Variants in CHM observed in about 807,000 individuals in gnomAD.
CHM encodes CHM Rab escort protein.
A neutral mutation model predicts 49.0 loss-of-function variants in CHM; 10 were observed. That is an observed-to-expected ratio of 0.20 (90% confidence interval 0.13 to 0.35). The LOEUF (loss-of-function observed/expected upper bound fraction) is 0.35. Among genes scored for constraint, CHM ranks in the 10% least tolerant of loss-of-function variants. CHM has a pLI of 1.00. For missense variants in CHM, 455 were observed against 478.4 expected (o/e 0.95, Z 0.46); for synonymous variants, 184 against 167.5 (o/e 1.10, Z -0.76).
chrX:85,937,596 C>G (rs997749191), intron 8 of CHM, among the ~76,000 whole-genome samples: 3 of 109,608 alleles, frequency 2.7e-5, no homozygotes, highest in Non-Finnish European at 5.7e-5. Flanking sequence ...GTAATCCCAC[C>G]ACTTTGGGAG....
At position 86,021,045 on chromosome X, in the gene CHM, C is replaced by CAT. The variant is rs1214258500; in HGVS notation, c.116+6444_116+6445dup. 2.2e-3 allele frequency among the ~76,000 whole-genome samples: 206 copies of CAT among 95,130 alleles called. 1 individual carries two copies. The highest frequency in any genetic ancestry group is 7.5e-3 in the African/African-American group (197 of 26,132). The allele number at this position is 95,130 out of a possible 115,157, so 82.6% of individuals were successfully genotyped here. ...ATATATACACACACATATATATACA[C>CAT]ATATATACACACATATATATACACA... On this transcript the variant is annotated intron_variant, in intron 2 of 14. Transcript: ENST00000357749.
chrX:85,925,738 G>C (rs1466001789), intron 8 of CHM, among the ~76,000 whole-genome samples: 1 of 111,530 alleles, frequency 9.0e-6, no homozygotes, highest in Non-Finnish European at 1.9e-5. Flanking sequence ...TAACATAAAG[G>C]TAAAGAGACA....
Position 85,878,947 on chromosome X carries a change from A to T in CHM, c.1609+18T>A. The T allele has an allele frequency of 9.4e-7, 1 of 1,059,313 alleles. No individual in the cohort carries two copies. Among genetic ancestry groups the T allele is most frequent in the Non-Finnish European group, 1.3e-6 (1 of 760,128 alleles). The allele number at this position is 1,059,313 out of a possible 1,213,427, so 87.3% of individuals were successfully genotyped here. On this transcript the variant is annotated intron_variant, in intron 13 of 14. Coordinates refer to ENST00000357749, the MANE Select transcript of CHM (RefSeq NM_000390.4). The stretch of plus-strand genomic sequence containing the variant: ...TTACATTACCTTTCCATCATGAGTT[A>T]TCAATTATTTTTCTTACCTATCTCC...
chrX:85,972,709 C>G (rs909895876), intron 4 of CHM, among the ~76,000 whole-genome samples: 2 of 112,525 alleles, frequency 1.8e-5, no homozygotes, highest in African/African-American at 6.4e-5. Context: ...GCAAGCGCCA[C>G]GCGCAGCCCC....
rs147743144 is a variant in CHM at position 85,990,795 on chromosome X, G to A, written c.117-8986C>T. ...AGGCTGAGCATTAAACCCATTAACTGGAGCTTATTAATTAAATCCTAACAA... is the reference window on the plus strand; with the variant it reads ...AGGCTGAGCATTAAACCCATTAACTAGAGCTTATTAATTAAATCCTAACAA... On this transcript the variant is annotated intron_variant, in intron 2 of 14. Coordinates refer to ENST00000357749, the MANE Select transcript of CHM (RefSeq NM_000390.4). Among the ~76,000 whole-genome samples the A allele has an allele frequency of 2.5e-3, 275 of 111,746 alleles. 1 individual carries two copies. The highest frequency in any genetic ancestry group is 8.7e-3 in the African/African-American group (268 of 30,847).
At chrX:85,871,320 A>AAAAAAAAAAAAAAAAG (rs1487188345) in intron 14 of CHM, among the ~76,000 whole-genome samples, 3 of 103,004 alleles carry the variant, frequency 2.9e-5, no homozygotes, top group African/African-American at 1.1e-4. Flanking sequence ...AAAAAAAAAA[A>AAAAAAAAAAAAAAAAG]AAGAAGAAAT....
At chrX:85,868,705 C>G (rs907007323) in intron 14 of CHM, among the ~76,000 whole-genome samples, 1 of 111,449 alleles carries the variant, frequency 9.0e-6, no homozygotes, top group Non-Finnish European at 1.9e-5. Flanking sequence ...CTCCTTGCCT[C>G]TAGAGTTCCC....
chrX:85,964,651 A>G (rs1442823423), intron 4 of CHM, among the ~76,000 whole-genome samples: 1 of 112,168 alleles, frequency 8.9e-6, no homozygotes, highest in East Asian at 2.8e-4. Flanking sequence ...AGGGAAAAAT[A>G]TCTGCCTTGA....
At chrX:85,950,807 T>C (rs1258714858) in intron 8 of CHM, among the ~76,000 whole-genome samples, 1 of 110,824 alleles carries the variant, frequency 9.0e-6, no homozygotes, top group Non-Finnish European at 1.9e-5. Flanking sequence ...ACAAAGAAAT[T>C]AACACCTAAG....
intron 5 of CHM, among the ~76,000 whole-genome samples, chrX:85,959,380 A>T (rs1357307217): frequency 9.1e-6 from 1 of 110,215 alleles, no homozygotes; most frequent in Admixed American, 9.7e-5. Flanking sequence ...TTTCTAAAAT[A>T]TATTTTTTTA....
intron 8 of CHM, among the ~76,000 whole-genome samples, chrX:85,925,644 T>C (rs937130515): frequency 9.0e-6 from 1 of 111,728 alleles, no homozygotes; most frequent in Non-Finnish European, 1.9e-5. Flanking sequence ...CTGTATGATA[T>C]ATATTCATTT....
At chrX:85,913,014 G>GA (rs755460793) in intron 8 of CHM, among the ~76,000 whole-genome samples, 1,467 of 38,028 alleles carry the variant, frequency 0.039, 39 homozygotes, top group African/African-American at 0.054. Context: ...CTCCATCTCA[G>GA]AAAAAAAAAA....
intron 8 of CHM, among the ~76,000 whole-genome samples, chrX:85,943,368 C>T (rs1011487841): frequency 5.4e-5 from 6 of 112,011 alleles, no homozygotes; most frequent in Non-Finnish European, 9.4e-5. Flanking sequence ...CTACTGGGCT[C>T]CTCAGCATTA....
chrX:85,980,261 T>G (rs1036810932), intron 3 of CHM, among the ~76,000 whole-genome samples: 3 of 111,144 alleles, frequency 2.7e-5, no homozygotes, highest in African/African-American at 9.8e-5. Context: ...AAAAATGAGG[T>G]GCAAAAAAGA....
At chrX:85,882,892 G>A (rs759293092) in intron 12 of CHM, among the ~76,000 whole-genome samples, 8 of 110,937 alleles carry the variant, frequency 7.2e-5, no homozygotes, top group Admixed American at 5.8e-4. Flanking sequence ...CTGGTATTAC[G>A]TCAGCTCTCT....
chrX:85,871,078 C>A (rs563521693), intron 14 of CHM, among the ~76,000 whole-genome samples: 2 of 108,312 alleles, frequency 1.8e-5, no homozygotes, highest in South Asian at 4.1e-4. Context: ...TTTGGGAGGC[C>A]GAGGTGGGTG....
chrX:86,031,583 G>A (rs1349236886), intron 1 of CHM, among the ~76,000 whole-genome samples: 2 of 112,919 alleles, frequency 1.8e-5, no homozygotes, highest in African/African-American at 3.2e-5. Context: ...GCTCACACCT[G>A]TAATCCCAGC....
chrX:85,983,681 C>T, intron 2 of CHM, among the ~76,000 whole-genome samples: 1 of 111,452 alleles, frequency 9.0e-6, no homozygotes, highest in Non-Finnish European at 1.9e-5. Flanking sequence ...TGGGTGAAAG[C>T]TTCAAGATCA....
intron 2 of CHM, among the ~76,000 whole-genome samples, chrX:85,986,807 T>C (rs1372399162): frequency 2.7e-5 from 3 of 111,870 alleles, no homozygotes; most frequent in Non-Finnish European, 3.8e-5. Context: ...ACAAGAGTTC[T>C]TGACCAGGCT....
Sources: gnomAD v4.1 joint callset for allele counts (sites outside exome capture counted in the v4.1 genomes callset) on GRCh38, gnomAD v4.1.1 for gene constraint, MANE v1.5 for transcripts, NCBI Gene and HGNC (gene_info 2026-07-23, HGNC 2026-07-21) for gene names.